Variants in SNAP25 observed in about 807,000 individuals in gnomAD.
The protein encoded by SNAP25 is synaptosomal-associated protein 25.
In SNAP25, 3 loss-of-function variants were observed where a neutral mutation model predicts 28.7. The ratio of observed to expected loss-of-function variants is 0.10; its 90% CI spans 0.05 to 0.27. The LOEUF (loss-of-function observed/expected upper bound fraction) is 0.27. Ranked by LOEUF, SNAP25 falls within the 10% of genes least tolerant of loss-of-function variation. The probability of loss-of-function intolerance (pLI) is 1.00; values close to 1 mark genes in which losing one functional copy is unlikely to be tolerated. For synonymous variants in SNAP25, 61 were observed against 88.1 expected (o/e 0.69, Z 1.72); for missense variants, 117 against 278.7 (o/e 0.42, Z 4.13).
chr20:10,233,733 A>G (rs2062868036), intron 1 of SNAP25, among the ~76,000 whole-genome samples: 1 of 152,180 alleles, frequency 6.6e-6, no homozygotes, highest in Non-Finnish European at 1.5e-5. Flanking sequence ...TAGTTTCAAG[A>G]TCACGTTCTC....
chr20:10,249,256 C>T (rs1600683097), intron 1 of SNAP25, among the ~76,000 whole-genome samples: 1 of 152,180 alleles, frequency 6.6e-6, no homozygotes, highest in African/African-American at 2.4e-5. Flanking sequence ...CATTCAATCC[C>T]TTGGCAAGGA....
chr20:10,229,853 T>C (rs1474115469), intron 1 of SNAP25, among the ~76,000 whole-genome samples: 1 of 152,098 alleles, frequency 6.6e-6, no homozygotes, highest in Non-Finnish European at 1.5e-5. Flanking sequence ...CAGGGGTTAG[T>C]AATTAAAATA....
intron 4 of SNAP25, 124 bp downstream of exon 4, chr20:10,284,896 C>T: frequency 1.4e-6 from 1 of 723,600 alleles, no homozygotes; most frequent in Admixed American, 2.7e-5. Context: ...TGTGAGGGTT[C>T]TAGATTTTTC....
In SNAP25 at chr20:10,260,724, A is replaced by ACACAAAC. The variant is rs1568597310; in HGVS notation, c.-63-14705_-63-14704insCACAAAC. ...ACACACACACACACACACACACACA[A>ACACAAAC]ACACACACACACACACATCTGCCTT... On this transcript the variant is annotated intron_variant, in intron 1 of 7. Transcript: ENST00000254976. Among the ~76,000 whole-genome samples, 166 of 78,458 alleles carry ACACAAAC rather than the reference A, an allele frequency of 2.1e-3. 1 individual carries two copies. The highest frequency in any genetic ancestry group is 6.4e-3 in the African/African-American group (155 of 24,082). 51.5% of individuals were successfully genotyped at this position (78,458 alleles called of 152,430 possible).
At chr20:10,242,759 T>C (rs2063058122) in intron 1 of SNAP25, among the ~76,000 whole-genome samples, 1 of 152,232 alleles carries the variant, frequency 6.6e-6, no homozygotes, top group Admixed American at 6.5e-5. Flanking sequence ...GATCAATTTA[T>C]GGGCATTCCA....
chr20:10,275,406 T>G lies in SNAP25; in HGVS notation c.-63-23T>G, dbSNP rs893367680. 21 of 1,245,312 alleles carry G rather than the reference T, an allele frequency of 1.7e-5. No individual in the cohort carries two copies. In the South Asian group the frequency reaches 2.9e-4, roughly 17 times the overall value. The allele number at this position is 1,245,312 out of a possible 1,614,324, so 77.1% of individuals were successfully genotyped here. ...ACATGAACATATATAAGCTCTCATA[T>G]TTTCATATCTACTTCTTCCCAGGTC... On this transcript the variant is annotated intron_variant, in intron 1 of 7. Coordinates refer to ENST00000254976, the MANE Select transcript of SNAP25 (RefSeq NM_130811.4).
At chr20:10,258,749 A>G (rs1258006476) in intron 1 of SNAP25, among the ~76,000 whole-genome samples, 1 of 152,234 alleles carries the variant, frequency 6.6e-6, no homozygotes, top group Non-Finnish European at 1.5e-5. Flanking sequence ...CAATTTTACC[A>G]ATCAGTCTTC....
intron 1 of SNAP25, among the ~76,000 whole-genome samples, chr20:10,248,812 A>G (rs1177934844): frequency 2.0e-5 from 3 of 152,188 alleles, no homozygotes; most frequent in Non-Finnish European, 4.4e-5. Flanking sequence ...AGGCTTGTTA[A>G]AGCAATTTGC....
chr20:10,287,547 T>C (rs896931770), intron 4 of SNAP25, among the ~76,000 whole-genome samples: 1 of 136,534 alleles, frequency 7.3e-6, no homozygotes, highest in Non-Finnish European at 1.6e-5. Context: ...AGGAACACTT[T>C]TACACTGTTG....
intron 1 of SNAP25, among the ~76,000 whole-genome samples, chr20:10,228,151 C>T (rs892147538): frequency 2.0e-5 from 3 of 152,082 alleles, no homozygotes; most frequent in Non-Finnish European, 4.4e-5. Context: ...CTCATGAAAA[C>T]ACGGGTTACT....
At position 10,224,230 on chromosome 20, in the gene SNAP25, C is replaced by G. The variant is rs79076933; in HGVS notation, c.-64+5253C>G. On this transcript the variant is annotated intron_variant, in intron 1 of 7. Coordinates refer to ENST00000254976, the MANE Select transcript of SNAP25 (RefSeq NM_130811.4). The stretch of plus-strand genomic sequence containing the variant: ...CATCATCCATATTTTTCATATTGGC[C>G]AAATAAGGCATAGAGAATGTACATG... Among the ~76,000 whole-genome samples, 537 of 128,012 alleles carry G rather than the reference C, an allele frequency of 4.2e-3. 3 individuals carry two copies. The highest frequency in any genetic ancestry group is 0.024 in the South Asian group (93 of 3,866). 84.0% of individuals were successfully genotyped at this position (128,012 alleles called of 152,430 possible). A position where few individuals can be genotyped will look rare whatever the true frequency, so the allele number is the denominator to read the frequency against.
chr20:10,247,377 C>T (rs1166939803), intron 1 of SNAP25, among the ~76,000 whole-genome samples: 1 of 152,144 alleles, frequency 6.6e-6, no homozygotes, highest in East Asian at 1.9e-4. Flanking sequence ...GATTTTATTT[C>T]ACCAGTGACA....
chr20:10,253,483 C>T (rs933133785), intron 1 of SNAP25, among the ~76,000 whole-genome samples: 2 of 152,104 alleles, frequency 1.3e-5, no homozygotes, highest in Non-Finnish European at 2.9e-5. Context: ...GATGAAGGCA[C>T]CCACATCACA....
rs553031969 is a variant in SNAP25 at position 10,305,967 on chromosome 20, G to A, written c.553-162G>A. ...GCTTCTACGGTCACATTCAAATAGA[G>A]CCATAGCCGTCATTCTGGGAAGACA... On this transcript the variant is annotated intron_variant, in intron 7 of 7. Coordinates refer to ENST00000254976, the MANE Select transcript of SNAP25 (RefSeq NM_130811.4). Among the ~76,000 whole-genome samples, 29 of 151,920 alleles carry A rather than the reference G, an allele frequency of 1.9e-4. 3 individuals carry two copies. The Middle Eastern group carries it at 0.024, about 125-fold the overall frequency.
chr20:10,275,852 G>A (rs1201694177), intron 2 of SNAP25, among the ~76,000 whole-genome samples: 1 of 152,196 alleles, frequency 6.6e-6, no homozygotes, highest in Non-Finnish European at 1.5e-5. Flanking sequence ...TTAATTCAGT[G>A]CTATGCTGGA....
intron 1 of SNAP25, among the ~76,000 whole-genome samples, chr20:10,256,619 TC>T (rs1372500492): frequency 1.9e-4 from 29 of 152,340 alleles, no homozygotes; most frequent in African/African-American, 6.7e-4. Context: ...TAATTTATTT[TC>T]TTTGACCTGT....
At chr20:10,247,733 T>G (rs2063154560) in intron 1 of SNAP25, among the ~76,000 whole-genome samples, 1 of 152,136 alleles carries the variant, frequency 6.6e-6, no homozygotes, top group Admixed American at 6.5e-5. Flanking sequence ...GACTGCAGGG[T>G]ATGGAGGGCA....
intron 4 of SNAP25, among the ~76,000 whole-genome samples, chr20:10,286,315 A>G (rs553997745): frequency 1.3e-5 from 2 of 152,308 alleles, no homozygotes; most frequent in Non-Finnish European, 2.9e-5. Context: ...AGCAAATGCC[A>G]GGAAGCAATT....
intron 1 of SNAP25, among the ~76,000 whole-genome samples, chr20:10,245,302 T>C (rs1234102239): frequency 6.6e-6 from 1 of 152,114 alleles, no homozygotes; most frequent in African/African-American, 2.4e-5. Flanking sequence ...CGGTCTTTGG[T>C]TTTAGGGAGG....
Sources: allele counts gnomAD v4.1 joint callset (sites outside exome capture counted in the v4.1 genomes callset), GRCh38; gene constraint gnomAD v4.1.1; transcripts MANE v1.5; gene names NCBI Gene and HGNC (gene_info 2026-07-23, HGNC 2026-07-21).